The following EIF4G3 variants were observed in gnomAD, a reference collection of about 807,000 sequenced individuals.
EIF4G3 encodes the protein eukaryotic translation initiation factor 4 gamma 3.
EIF4G3 carries 34 observed loss-of-function variants against 186.4 expected under a neutral mutation model. The ratio of observed to expected loss-of-function variants is 0.18; its 90% CI spans 0.14 to 0.24. The LOEUF (loss-of-function observed/expected upper bound fraction) is 0.24. Among genes scored for constraint, EIF4G3 ranks in the 10% least tolerant of loss-of-function variants. The pLI is 1.00. For synonymous variants in EIF4G3, 673 were observed against 679.5 expected (o/e 0.99, Z 0.15); for missense variants, 1,536 against 1,948.5 (o/e 0.79, Z 3.99).
chr1:20,923,181 T>A (rs1432239347), intron 14 of EIF4G3, among the ~76,000 whole-genome samples: 6 of 152,200 alleles, frequency 3.9e-5, no homozygotes, highest in African/African-American at 1.4e-4. Context: ...TGGTTAAAGT[T>A]GTCTTTTGCT....
rs1420015531 is a variant in EIF4G3, at chr1:20,827,705, A to G, written c.4188-7T>C. 1.3e-6 allele frequency: 2 copies of G among 1,590,952 alleles called. No homozygotes were observed. Among genetic ancestry groups the G allele is most frequent in the Non-Finnish European group, 8.6e-7 (1 of 1,159,684 alleles). ...TAAAGGTTTGCTAAATTCTCTGTAA[A>G]AGATAGGAGCAGTGATTAAGTATCT... On this transcript the variant is annotated splice_polypyrimidine_tract_variant and splice_region_variant and intron_variant, in intron 31 of 36. Transcript: ENST00000602326.
Position 20,822,355 on chromosome 1 carries a change from C to CT in EIF4G3, c.4368+2744dup, listed in dbSNP as rs57050580. 3.4e-3 allele frequency among the ~76,000 whole-genome samples: 222 copies of CT among 65,104 alleles called. 35 individuals are homozygous for CT. Among genetic ancestry groups the CT allele is most frequent in the Admixed American group, 0.011 (42 of 3,802 alleles). 42.7% of individuals were successfully genotyped at this position (65,104 alleles called of 152,430 possible). ...CACTTTTATCTTCTCAAAGAACCAGCTTTTTTTTTTTTTTTTTTTTTTTTT... is the reference window on the plus strand; with the variant it reads ...CACTTTTATCTTCTCAAAGAACCAGCTTTTTTTTTTTTTTTTTTTTTTTTTT... On this transcript the variant is annotated intron_variant, in intron 33 of 36. Transcript: ENST00000602326.
intron 14 of EIF4G3, among the ~76,000 whole-genome samples, chr1:20,916,142 C>CTATA (rs2093837742): frequency 6.6e-6 from 1 of 151,938 alleles, no homozygotes; most frequent in Non-Finnish European, 1.5e-5. Context: ...TACAAAAAAC[C>CTATA]TATACACTAG....
chr1:21,057,907 C>T (rs1318030295), intron 3 of EIF4G3, among the ~76,000 whole-genome samples: 9 of 152,058 alleles, frequency 5.9e-5, no homozygotes, highest in African/African-American at 9.7e-5. Context: ...AAAATAATCT[C>T]CTATAAAATT....
At chr1:20,915,536 G>A (rs951824549) in intron 14 of EIF4G3, among the ~76,000 whole-genome samples, 2 of 151,714 alleles carry the variant, frequency 1.3e-5, no homozygotes, top group Non-Finnish European at 2.9e-5. Flanking sequence ...AAATGTGATG[G>A]CCAAGTTTTA....
intron 20 of EIF4G3, among the ~76,000 whole-genome samples, chr1:20,870,141 G>C (rs932207666): frequency 6.6e-6 from 1 of 151,722 alleles, no homozygotes; most frequent in Non-Finnish European, 1.5e-5. Flanking sequence ...CCAGTTGACC[G>C]GTCACTCGCT....
At chr1:20,981,569 TACGCAC>T (rs1166911232) in intron 8 of EIF4G3, among the ~76,000 whole-genome samples, 2 of 139,828 alleles carry the variant, frequency 1.4e-5, no homozygotes, top group African/African-American at 2.7e-5. Flanking sequence ...CATACATGTA[TACGCAC>T]ATACTGTATG....
chr1:20,982,387 C>G lies in EIF4G3; in HGVS notation c.198+1G>C. ...GCCATGCAGAACCAGTAGTTTGTTACCTGGATAGGTCTGAATCCTCCCTTC... is the reference window on the plus strand; with the variant it reads ...GCCATGCAGAACCAGTAGTTTGTTAGCTGGATAGGTCTGAATCCTCCCTTC... On this transcript the variant is annotated splice_donor_variant, in intron 8 of 36. Coordinates refer to ENST00000602326, the MANE Select transcript of EIF4G3 (RefSeq NM_001391906.1). LOFTEE classifies it high-confidence loss of function. The G allele has an allele frequency of 6.6e-7, 1 of 1,524,392 alleles. No individual in the cohort carries two copies. The highest frequency in any genetic ancestry group is 8.8e-7 in the Non-Finnish European group (1 of 1,142,642). The allele number at this position is 1,524,392 out of a possible 1,614,324, so 94.4% of individuals were successfully genotyped here. A position where few individuals can be genotyped will look rare whatever the true frequency, so the allele number is the denominator to read the frequency against.
intron 18 of EIF4G3, among the ~76,000 whole-genome samples, chr1:20,891,746 C>T (rs1192499986): frequency 1.3e-5 from 2 of 150,194 alleles, no homozygotes; most frequent in Admixed American, 6.6e-5. Flanking sequence ...GTGGAGATCA[C>T]GCCACTGCGC....
intron 12 of EIF4G3, among the ~76,000 whole-genome samples, chr1:20,950,389 T>G (rs2096155907): frequency 6.6e-6 from 1 of 152,148 alleles, no homozygotes; most frequent in Non-Finnish European, 1.5e-5. Flanking sequence ...TAGCACAATT[T>G]ATTCCCCAGT....
intron 3 of EIF4G3, among the ~76,000 whole-genome samples, chr1:21,075,445 G>A (rs1328671315): frequency 1.5e-4 from 22 of 151,340 alleles, no homozygotes; most frequent in African/African-American, 5.1e-4. Flanking sequence ...GGTGGGTGCC[G>A]GTAATCCCAG....
At chr1:20,896,261 A>C (rs560892467) in intron 16 of EIF4G3, among the ~76,000 whole-genome samples, 40 of 151,992 alleles carry the variant, frequency 2.6e-4, no homozygotes, top group African/African-American at 9.6e-4. Context: ...AGTAAGACCT[A>C]ATCTCTAGAA....
chr1:21,161,156 G>C (rs997980789), intron 2 of EIF4G3, among the ~76,000 whole-genome samples: 1 of 148,322 alleles, frequency 6.7e-6, no homozygotes, highest in Admixed American at 6.7e-5. Context: ...GGGCAAGAGA[G>C]AGAGACTCCA....
chr1:21,094,735 C>T (rs1479592894), intron 2 of EIF4G3, among the ~76,000 whole-genome samples: 4 of 148,410 alleles, frequency 2.7e-5, no homozygotes, highest in South Asian at 4.3e-4. Context: ...CAAACCTGCA[C>T]GTTGTGCACA....
intron 5 of EIF4G3, 81 bp downstream of exon 5, chr1:21,002,632 T>C: frequency 7.2e-7 from 1 of 1,394,314 alleles, no homozygotes; most frequent in East Asian, 2.5e-5. Context: ...CCAGTAAAAA[T>C]ATTTGCCAAA....
At chr1:20,846,396 C>T (rs978149518) in intron 29 of EIF4G3, among the ~76,000 whole-genome samples, 1 of 152,174 alleles carries the variant, frequency 6.6e-6, no homozygotes, top group Non-Finnish European at 1.5e-5. Context: ...TCATTATACT[C>T]ACAGTGTCAT....
At chr1:21,051,139 T>G (rs375294869) in intron 3 of EIF4G3, 145 bp from the exon 4 acceptor site, 18 of 566,954 alleles carry the variant, frequency 3.2e-5, no homozygotes, top group East Asian at 9.5e-5. Context: ...CACTTAAAAT[T>G]TTTAAAATTG....
intron 34 of EIF4G3, among the ~76,000 whole-genome samples, chr1:20,815,342 G>A (rs1335082083): frequency 1.7e-5 from 2 of 120,310 alleles, no homozygotes; most frequent in African/African-American, 3.0e-5. Flanking sequence ...AGTTAGGAGC[G>A]TCTCTGCCCG....
At chr1:20,977,834 T>C (rs1432787592) in intron 10 of EIF4G3, among the ~76,000 whole-genome samples, 2 of 152,186 alleles carry the variant, frequency 1.3e-5, no homozygotes, top group African/African-American at 4.8e-5. Context: ...ATCATTACTG[T>C]TTCTATACAT....
Sources: gnomAD v4.1 joint callset for allele counts (sites outside exome capture counted in the v4.1 genomes callset) on GRCh38, gnomAD v4.1.1 for gene constraint, MANE v1.5 for transcripts, NCBI Gene and HGNC (gene_info 2026-07-23, HGNC 2026-07-21) for gene names.